NDUFB5: variants seen among roughly 807,000 people sequenced by gnomAD.
NDUFB5 encodes the protein NADH dehydrogenase [ubiquinone] 1 beta subcomplex subunit 5, mitochondrial.
A neutral mutation model predicts 19.4 loss-of-function variants in NDUFB5; 19 were observed. The ratio of observed to expected loss-of-function variants is 0.98; its 90% CI spans 0.68 to 1.43. The LOEUF is 1.43. Ranked by LOEUF, NDUFB5 falls within the 40% of genes most tolerant of loss-of-function variation. The probability of loss-of-function intolerance (pLI) is 0.00; values close to 1 mark genes in which losing one functional copy is unlikely to be tolerated. For missense variants in NDUFB5, 233 were observed against 236.5 expected, an observed-to-expected ratio of 0.99 and a Z score of 0.10; for synonymous variants, 80 against 82.6, an observed-to-expected ratio of 0.97 and a Z score of 0.17.
rs144572012 is a variant in NDUFB5 at position 179,606,721 on chromosome 3, A to G, written c.124+1782A>G. ...ATACTGTAAGCTATTTGCCCTGTGC[A>G]ATAGAAGCAGGTAAAGAGGAAGTGA... On this transcript the variant is annotated intron_variant, in intron 1 of 5. Transcript: ENST00000259037. Among the ~76,000 whole-genome samples, 75 of 152,352 alleles carry G rather than the reference A, an allele frequency of 4.9e-4. 1 individual carries two copies. The highest frequency in any genetic ancestry group is 1.7e-3 in the African/African-American group (69 of 41,578).
intron 1 of NDUFB5, among the ~76,000 whole-genome samples, chr3:179,606,222 G>T (rs1015785725): frequency 6.6e-6 from 1 of 152,188 alleles, no homozygotes; most frequent in Non-Finnish European, 1.5e-5. Flanking sequence ...ACTCTGCAAA[G>T]AAATTACAAT....
At chr3:179,608,188 G>A (rs201756793) in intron 1 of NDUFB5, among the ~76,000 whole-genome samples, 1 of 149,736 alleles carries the variant, frequency 6.7e-6, no homozygotes. Context: ...TTTTTTTTTT[G>A]TTTTGTTTTG....
At chr3:179,612,952 A>G (rs1201665124) in intron 1 of NDUFB5, among the ~76,000 whole-genome samples, 1 of 152,188 alleles carries the variant, frequency 6.6e-6, no homozygotes, top group Admixed American at 6.5e-5. Flanking sequence ...CTGTGCTTCT[A>G]GTGTATCAGA....
chr3:179,616,335 G>A (rs552750453), intron 3 of NDUFB5, among the ~76,000 whole-genome samples: 4 of 152,176 alleles, frequency 2.6e-5, no homozygotes, highest in African/African-American at 9.6e-5. Context: ...GAGGTCAGGG[G>A]TTCGAGACCA....
intron 3 of NDUFB5, 45 bp from the exon 4 acceptor site, chr3:179,616,938 A>C: frequency 7.0e-7 from 1 of 1,433,308 alleles, no homozygotes; most frequent in South Asian, 1.2e-5. Context: ...TTAATTTTAT[A>C]AACTCCTCAT....
At chr3:179,615,833 TA>T (rs1343798955) in intron 2 of NDUFB5, 149 bp from the exon 3 acceptor site, 2 of 671,058 alleles carry the variant, frequency 3.0e-6, no homozygotes, top group African/African-American at 1.8e-5. Context: ...TACCAAAAAG[TA>T]AAATCACAGA....
chr3:179,614,754 G>A (rs1719331487), intron 1 of NDUFB5: 1 of 286,908 alleles, frequency 3.5e-6, no homozygotes, highest in Admixed American at 4.8e-5. Context: ...ATCTAAGAAT[G>A]TATATTTTCT....
intron 2 of NDUFB5, chr3:179,615,690 C>T: frequency 3.8e-6 from 2 of 527,238 alleles, no homozygotes; most frequent in Non-Finnish European, 7.3e-6. Flanking sequence ...TGTTTAATGA[C>T]CTTTTTCATC....
At position 179,616,971 on chromosome 3, in the gene NDUFB5, T is replaced by G; in HGVS notation, c.281-12T>G. 1 of 1,604,960 alleles carries G rather than the reference T, an allele frequency of 6.2e-7. No individual in the cohort carries two copies. The highest frequency in any genetic ancestry group is 8.5e-7 in the Non-Finnish European group (1 of 1,172,956). ...CATGCTAAAGTTAAACATAACCATT[T>G]TTTCTTATTAGGTCAAGCTGAACTA... On this transcript the variant is annotated splice_polypyrimidine_tract_variant and intron_variant, in intron 3 of 5. Transcript: ENST00000259037.
chr3:179,612,225 G>A (rs1016252330), intron 1 of NDUFB5, among the ~76,000 whole-genome samples: 1 of 151,242 alleles, frequency 6.6e-6, no homozygotes, highest in Non-Finnish European at 1.5e-5. Flanking sequence ...GGTGCGTGAT[G>A]TAATCCCAGT....
chr3:179,617,092 C>A, intron 4 of NDUFB5, 48 bp downstream of exon 4: 1 of 1,353,470 alleles, frequency 7.4e-7, no homozygotes, highest in Non-Finnish European at 1.0e-6. Flanking sequence ...GCCTTGTCAA[C>A]GCACTAGTTA....
chr3:179,615,097 T>C (rs777241469), intron 2 of NDUFB5, 38 bp downstream of exon 2: 28 of 1,397,876 alleles, frequency 2.0e-5, no homozygotes, highest in Non-Finnish European at 2.7e-5. Context: ...AGTCTTTGCA[T>C]GTAACAGGGA....
intron 1 of NDUFB5, among the ~76,000 whole-genome samples, chr3:179,606,355 T>TG (rs945192752): frequency 1.3e-5 from 2 of 152,180 alleles, no homozygotes. Flanking sequence ...TTTATTTTTT[T>TG]CAAGACGGAG....
At chr3:179,622,327 T>A (rs1225574430) in intron 5 of NDUFB5, among the ~76,000 whole-genome samples, 1 of 151,928 alleles carries the variant, frequency 6.6e-6, no homozygotes, top group African/African-American at 2.4e-5. Context: ...GTTTTTTTTT[T>A]ATTTGACATG....
intron 3 of NDUFB5, among the ~76,000 whole-genome samples, chr3:179,616,308 C>T (rs950721823): frequency 2.6e-5 from 4 of 152,096 alleles, no homozygotes; most frequent in South Asian, 2.1e-4. Flanking sequence ...TTTGGGAGGC[C>T]GAGGCGGGCA....
intron 5 of NDUFB5, among the ~76,000 whole-genome samples, chr3:179,622,153 T>A (rs573465970): frequency 6.6e-6 from 1 of 151,992 alleles, no homozygotes; most frequent in Non-Finnish European, 1.5e-5. Flanking sequence ...GGGGGTTTTT[T>A]TGTTTGTTTG....
At chr3:179,610,017 G>A (rs6778012) in intron 1 of NDUFB5, among the ~76,000 whole-genome samples, 2,845 of 152,222 alleles carry the variant, frequency 0.019, 98 homozygotes, top group African/African-American at 0.065. Context: ...CTGGACTCAA[G>A]CAATCCTGCT....
intron 5 of NDUFB5, among the ~76,000 whole-genome samples, chr3:179,622,717 C>G (rs376479728): frequency 5.9e-5 from 9 of 152,232 alleles, no homozygotes; most frequent in African/African-American, 1.9e-4. Flanking sequence ...CAAAAAAGAT[C>G]AATAAACATA....
At position 179,624,435 on chromosome 3, in the gene NDUFB5, T is replaced by A. The variant is rs1719615323; in HGVS notation, c.*395T>A. The A allele has an allele frequency of 6.5e-6, 1 of 154,666 alleles. No individual in the cohort carries two copies. Among genetic ancestry groups the A allele is most frequent in the Non-Finnish European group, 1.4e-5 (1 of 69,956 alleles). The allele number at this position is 154,666 out of a possible 1,614,324, so 9.6% of individuals were successfully genotyped here. ...TCAGGATTTTAAGTTCCATAAAGTATTGAACCAACTCTAAAATGTTAACTC... is the reference window on the plus strand; with the variant it reads ...TCAGGATTTTAAGTTCCATAAAGTAATGAACCAACTCTAAAATGTTAACTC... On this transcript the variant is annotated 3_prime_UTR_variant, in exon 6 of 6. Coordinates refer to ENST00000259037, the MANE Select transcript of NDUFB5 (RefSeq NM_002492.4).
Sources: gnomAD v4.1 joint callset for allele counts (sites outside exome capture counted in the v4.1 genomes callset) on GRCh38, gnomAD v4.1.1 for gene constraint, MANE v1.5 for transcripts, NCBI Gene and HGNC (gene_info 2026-07-23, HGNC 2026-07-21) for gene names.